The following NTM variants were observed in gnomAD, a reference collection of about 807,000 sequenced individuals.
NTM encodes neurotrimin, also known as IgLON family member 2.
NTM carries 13 observed loss-of-function variants against 42.1 expected under a neutral mutation model. That is an observed-to-expected ratio of 0.31 (90% CI 0.20 to 0.49). The LOEUF (loss-of-function observed/expected upper bound fraction) is 0.49. Among genes scored for constraint, NTM ranks in the 20% least tolerant of loss-of-function variants. The pLI is 0.99. For synonymous variants in NTM, 187 were observed against 179.2 expected (o/e 1.04, Z -0.35); for missense variants, 373 against 452.8 (o/e 0.82, Z 1.60).
intron 1 of NTM, among the ~76,000 whole-genome samples, chr11:131,595,519 A>G (rs2059740224): frequency 1.3e-5 from 2 of 152,222 alleles, no homozygotes; most frequent in Admixed American, 1.3e-4. Context: ...TGCAAATGAC[A>G]TCTCCATCCC....
intron 2 of NTM, among the ~76,000 whole-genome samples, chr11:132,020,288 A>C (rs1343954319): frequency 6.6e-6 from 1 of 152,076 alleles, no homozygotes; most frequent in Admixed American, 6.5e-5. Flanking sequence ...AATAACACTA[A>C]TATCTGCCTT....
chr11:131,813,499 T>C (rs2092824237), intron 1 of NTM, among the ~76,000 whole-genome samples: 1 of 152,074 alleles, frequency 6.6e-6, no homozygotes, highest in South Asian at 2.1e-4. Flanking sequence ...TACAGGAACT[T>C]ATGGCCTTTC....
In NTM at chr11:131,373,866, A is replaced by G. The variant is rs948107611; in HGVS notation, c.82+2978A>G. Among the ~76,000 whole-genome samples the G allele has an allele frequency of 2.6e-5, 4 of 152,212 alleles. No homozygotes were observed. In the East Asian group the frequency reaches 7.7e-4, roughly 29 times the overall value. On this transcript the variant is annotated intron_variant, in intron 1 of 8. Transcript: ENST00000683400. The stretch of plus-strand genomic sequence containing the variant: ...TTAGCAGCTAGCCTGAGACACAGAC[A>G]GGGCAGAGGAGAAGGAAAAGGTGCC...
intron 1 of NTM, among the ~76,000 whole-genome samples, chr11:131,395,671 T>G (rs1944473258): frequency 6.6e-6 from 1 of 152,200 alleles, no homozygotes; most frequent in Non-Finnish European, 1.5e-5. Flanking sequence ...TTTTAAATGT[T>G]AATTCACCTC....
chr11:132,161,694 C>T (rs1204164476), intron 3 of NTM, among the ~76,000 whole-genome samples: 1 of 151,986 alleles, frequency 6.6e-6, no homozygotes, highest in African/African-American at 2.4e-5. Flanking sequence ...CTGTTTCACC[C>T]AGTGTCCGCT....
chr11:131,760,036 G>A (rs988024276), intron 1 of NTM, among the ~76,000 whole-genome samples: 3 of 152,072 alleles, frequency 2.0e-5, no homozygotes, highest in African/African-American at 7.2e-5. Context: ...AGAAATCGAG[G>A]GAGGGAAAAT....
At chr11:131,712,199 A>AAAAC (rs145266075) in intron 1 of NTM, among the ~76,000 whole-genome samples, 27,981 of 149,182 alleles carry the variant, frequency 0.19, 2,773 homozygotes, top group Middle Eastern at 0.24. Flanking sequence ...AAAAAACCCC[A>AAAAC]AAACAAACAA....
intron 3 of NTM, among the ~76,000 whole-genome samples, chr11:132,174,106 A>G (rs1467761794): frequency 6.6e-6 from 1 of 152,176 alleles, no homozygotes; most frequent in East Asian, 1.9e-4. Context: ...GACTGCTAGA[A>G]GACAAAATTT....
chr11:131,550,800 C>T (rs2136907851), intron 1 of NTM, among the ~76,000 whole-genome samples: 1 of 152,252 alleles, frequency 6.6e-6, no homozygotes, highest in African/African-American at 2.4e-5. Context: ...CATGCCACTG[C>T]ATTTTAGCCT....
intron 1 of NTM, among the ~76,000 whole-genome samples, chr11:131,737,415 T>A (rs1320575066): frequency 1.3e-5 from 2 of 152,236 alleles, no homozygotes; most frequent in South Asian, 4.1e-4. Context: ...AGTTAGCACA[T>A]TTGTTCCACT....
chr11:132,086,382 G>A (rs2059715747), intron 2 of NTM, among the ~76,000 whole-genome samples: 1 of 150,062 alleles, frequency 6.7e-6, no homozygotes, highest in African/African-American at 2.5e-5. Flanking sequence ...TCAGTCGATT[G>A]AGGAAAAAAA....
At position 131,879,385 on chromosome 11, in the gene NTM, G is replaced by C. The variant is rs568697969; in HGVS notation, c.83-32179G>C. The stretch of plus-strand genomic sequence containing the variant: ...TTAGAGACTGCCAGATTTTTCCACT[G>C]TATGGACAACTTTTTCTGGAAACAA... On this transcript the variant is annotated intron_variant, in intron 1 of 8. Coordinates refer to ENST00000683400, the MANE Select transcript of NTM (RefSeq NM_001352005.2). Among the ~76,000 whole-genome samples, 11 of 152,236 alleles carry C rather than the reference G, an allele frequency of 7.2e-5. No homozygotes were observed. The East Asian group carries it at 1.9e-3, about 27-fold the overall frequency.
chr11:132,081,245 G>A (rs2058995109), intron 2 of NTM, among the ~76,000 whole-genome samples: 1 of 152,156 alleles, frequency 6.6e-6, no homozygotes. Flanking sequence ...TTGTCATGTG[G>A]AAATCAAACA....
At chr11:131,947,178 T>C (rs893289189) in intron 2 of NTM, among the ~76,000 whole-genome samples, 1 of 152,182 alleles carries the variant, frequency 6.6e-6, no homozygotes, top group East Asian at 1.9e-4. Context: ...CATCTTTTCA[T>C]ATAGGTTCCA....
At chr11:132,285,676 C>T (rs1040778721) in intron 4 of NTM, among the ~76,000 whole-genome samples, 3 of 152,194 alleles carry the variant, frequency 2.0e-5, no homozygotes, top group Non-Finnish European at 4.4e-5. Context: ...GAGTTTAGCT[C>T]TTAGGACCAA....
At chr11:131,892,118 T>A (rs2137520689) in intron 1 of NTM, among the ~76,000 whole-genome samples, 1 of 152,250 alleles carries the variant, frequency 6.6e-6, no homozygotes, top group South Asian at 2.1e-4. Flanking sequence ...CTCTTCTTCC[T>A]CCTCCCCTTC....
At chr11:131,620,087 G>A (rs2062370744) in intron 1 of NTM, among the ~76,000 whole-genome samples, 1 of 152,180 alleles carries the variant, frequency 6.6e-6, no homozygotes, top group Non-Finnish European at 1.5e-5. Context: ...ATAGGCATGA[G>A]CCACTGCACT....
chr11:131,542,446 A>G (rs2053401181), intron 1 of NTM, among the ~76,000 whole-genome samples: 1 of 152,116 alleles, frequency 6.6e-6, no homozygotes, highest in Admixed American at 6.5e-5. Flanking sequence ...CATGGGTAAA[A>G]CTTCTGTAAC....
intron 1 of NTM, among the ~76,000 whole-genome samples, chr11:131,507,848 G>T (rs1226016783): frequency 2.6e-5 from 4 of 151,252 alleles, no homozygotes; most frequent in Middle Eastern, 6.8e-3. Flanking sequence ...TCATGATTTG[G>T]CTCTCTGTTT....
Sources: gnomAD v4.1 joint callset for allele counts (sites outside exome capture counted in the v4.1 genomes callset) on GRCh38, gnomAD v4.1.1 for gene constraint, MANE v1.5 for transcripts, NCBI Gene and HGNC (gene_info 2026-07-23, HGNC 2026-07-21) for gene names.